Variants in ARHGEF28 observed in about 807,000 individuals in gnomAD.
ARHGEF28 encodes Rho guanine nucleotide exchange factor 28.
A neutral mutation model predicts 206.6 loss-of-function variants in ARHGEF28; 152 were observed. That is an observed-to-expected ratio of 0.74 (90% confidence interval 0.64 to 0.84). The LOEUF (loss-of-function observed/expected upper bound fraction) is 0.84. ARHGEF28 is among the 40% of genes least tolerant of loss of function. ARHGEF28 has a pLI of 0.00. For synonymous variants in ARHGEF28, 763 were observed against 776.4 expected (o/e 0.98, Z 0.29); for missense variants, 2,028 against 2,073.2 (o/e 0.98, Z 0.42).
At chr5:73,716,003 AT>A (rs1367873781) in intron 2 of ARHGEF28, among the ~76,000 whole-genome samples, 2 of 152,204 alleles carry the variant, frequency 1.3e-5, no homozygotes, top group African/African-American at 4.8e-5. Flanking sequence ...TATCAGTTTA[AT>A]TTGTTACAAA....
At chr5:73,666,259 G>T (rs1745948426) in intron 1 of ARHGEF28, among the ~76,000 whole-genome samples, 1 of 152,182 alleles carries the variant, frequency 6.6e-6, no homozygotes, top group African/African-American at 2.4e-5. Context: ...GGCACACTGG[G>T]GTGGGGGTTG....
At chr5:73,852,143 A>G (rs576758677) in intron 13 of ARHGEF28, among the ~76,000 whole-genome samples, 73 of 152,280 alleles carry the variant, frequency 4.8e-4, no homozygotes, top group African/African-American at 1.6e-3. Flanking sequence ...TCCCTTTCCC[A>G]TGAGCCACAG....
chr5:73,894,389 A>C lies in ARHGEF28; in HGVS notation c.3659-4A>C. ...AATCTTCTATGGTAAATACTATTTC[A>C]TAGAAATACTCACTAACCAAGACCA... On this transcript the variant is annotated splice_polypyrimidine_tract_variant and splice_region_variant and intron_variant, in intron 28 of 35. Coordinates refer to ENST00000513042, the MANE Select transcript of ARHGEF28 (RefSeq NM_001177693.2). The C allele has an allele frequency of 6.3e-7, 1 of 1,599,024 alleles. No individual in the cohort carries two copies. Among genetic ancestry groups the C allele is most frequent in the East Asian group, 2.2e-5 (1 of 44,682 alleles).
At chr5:73,820,973 C>G (rs1049909980) in intron 9 of ARHGEF28, among the ~76,000 whole-genome samples, 2 of 152,136 alleles carry the variant, frequency 1.3e-5, no homozygotes, top group African/African-American at 4.8e-5. Flanking sequence ...AACCCACCGA[C>G]CCTCAGAGTA....
At chr5:73,817,915 A>C (rs1756326771) in intron 9 of ARHGEF28, among the ~76,000 whole-genome samples, 1 of 152,134 alleles carries the variant, frequency 6.6e-6, no homozygotes, top group African/African-American at 2.4e-5. Context: ...TACTAGGAGG[A>C]GAAGTGACAG....
chr5:73,700,540 G>A (rs1455786506), intron 2 of ARHGEF28, among the ~76,000 whole-genome samples: 1 of 152,106 alleles, frequency 6.6e-6, no homozygotes, highest in Non-Finnish European at 1.5e-5. Context: ...TTATAGAGGA[G>A]GAATAAGTTC....
At position 73,910,757 on chromosome 5, in the gene ARHGEF28, A is replaced by C. The variant is rs185978199; in HGVS notation, c.4648-518A>C. Among the ~76,000 whole-genome samples the C allele has an allele frequency of 1.6e-3, 238 of 152,200 alleles. 3 individuals carry two copies. Among genetic ancestry groups the C allele is most frequent in the African/African-American group, 5.0e-3 (209 of 41,520 alleles). ...TCCATTTCACTAATAAGAGTTATTT[A>C]TTTGTGTCTTTTCTAATCATGCTTG... On this transcript the variant is annotated intron_variant, in intron 34 of 35. Transcript: ENST00000513042.
chr5:73,913,116 C>T (rs770849204), intron 35 of ARHGEF28, among the ~76,000 whole-genome samples: 1 of 152,142 alleles, frequency 6.6e-6, no homozygotes, highest in Non-Finnish European at 1.5e-5. Context: ...CCAGTCTATC[C>T]ACATGTAAGG....
chr5:73,941,120 A>C lies in ARHGEF28; in HGVS notation c.*107A>C. The C allele has an allele frequency of 3.6e-6, 4 of 1,126,106 alleles. No individual in the cohort carries two copies. The highest frequency in any genetic ancestry group is 4.6e-6 in the Non-Finnish European group (4 of 870,046). 69.8% of individuals were successfully genotyped at this position (1,126,106 alleles called of 1,614,324 possible). A position where few individuals can be genotyped will look rare whatever the true frequency, so the allele number is the denominator to read the frequency against. ...GATTGTCTGTGTCCAAATTGCTTTA[A>C]GAATAATATTTAATATTTCCTGGAA... On this transcript the variant is annotated 3_prime_UTR_variant, in exon 36 of 36. Coordinates refer to ENST00000513042, the MANE Select transcript of ARHGEF28 (RefSeq NM_001177693.2).
intron 2 of ARHGEF28, among the ~76,000 whole-genome samples, chr5:73,689,733 A>C (rs1158209603): frequency 6.6e-6 from 1 of 152,100 alleles, no homozygotes; most frequent in Non-Finnish European, 1.5e-5. Flanking sequence ...CTGAAGGAGC[A>C]GCACTGGAAG....
intron 1 of ARHGEF28, among the ~76,000 whole-genome samples, chr5:73,630,524 T>C (rs1388022161): frequency 6.6e-6 from 1 of 152,230 alleles, no homozygotes; most frequent in Non-Finnish European, 1.5e-5. Flanking sequence ...GTTGTAGTTA[T>C]AGCAAATGGA....
intron 1 of ARHGEF28, among the ~76,000 whole-genome samples, chr5:73,656,465 C>A (rs1745208369): frequency 6.6e-6 from 1 of 152,164 alleles, no homozygotes; most frequent in African/African-American, 2.4e-5. Flanking sequence ...GTCTCTCTTT[C>A]TTTCATATCC....
intron 2 of ARHGEF28, among the ~76,000 whole-genome samples, chr5:73,725,238 A>G (rs1317611234): frequency 6.6e-6 from 1 of 152,240 alleles, no homozygotes; most frequent in African/African-American, 2.4e-5. Flanking sequence ...ATCATAAACC[A>G]TGGCAGACTG....
At chr5:73,759,867 G>A (rs964578367) in intron 4 of ARHGEF28, among the ~76,000 whole-genome samples, 33 of 152,178 alleles carry the variant, frequency 2.2e-4, no homozygotes, top group Non-Finnish European at 4.1e-4. Flanking sequence ...ACAAGAGAAG[G>A]GAATATGTGG....
rs754933332 is a variant in ARHGEF28, at chr5:73,883,780, A to G, written c.2951A>G (p.Asn984Ser). Reference protein sequence around the residue: ...FQNFIKLRNSNLLARRRGIPE... With the variant: ...FQNFIKLRNSSLLARRRGIPE... ...ATATTTTTTAAGCTCCGAAATAGTA[A>G]TCTTTTGGCTCGACGCCGAGGAATT... Residue 984 changes from asparagine (N) to serine (S), a missense_variant, in exon 24 of 36, where the codon AAT becomes AGT. By Grantham distance (46) the Asn-to-Ser change is conservative. Around this residue, in one of 3 missense-constraint regions of ARHGEF28, gnomAD observed 223 missense variants for 289.9 expected, o/e 0.77. Coordinates refer to ENST00000513042, the MANE Select transcript of ARHGEF28 (RefSeq NM_001177693.2). 9 of 1,553,566 alleles carry G rather than the reference A, an allele frequency of 5.8e-6. No homozygotes were observed. The Admixed American group carries it at 1.4e-4, about 24-fold the overall frequency.
intron 1 of ARHGEF28, among the ~76,000 whole-genome samples, chr5:73,660,194 G>T (rs139113874): frequency 3.5e-4 from 54 of 152,192 alleles, no homozygotes; most frequent in African/African-American, 1.2e-3. Context: ...TTTCAACAAC[G>T]TTCACAGCAT....
chr5:73,916,552 G>C (rs1763223203), intron 35 of ARHGEF28, among the ~76,000 whole-genome samples: 2 of 152,100 alleles, frequency 1.3e-5, no homozygotes, highest in Non-Finnish European at 2.9e-5. Flanking sequence ...TCTTCACCTG[G>C]TCTTCCCCCT....
intron 30 of ARHGEF28, chr5:73,900,929 A>G (rs1762229080): frequency 2.8e-6 from 1 of 353,916 alleles, no homozygotes; most frequent in African/African-American, 2.1e-5. Flanking sequence ...CAGTGCAAGA[A>G]AGAAAAGTAC....
At chr5:73,719,050 CAA>C (rs1265219809) in intron 2 of ARHGEF28, among the ~76,000 whole-genome samples, 1 of 152,190 alleles carries the variant, frequency 6.6e-6, no homozygotes, top group Non-Finnish European at 1.5e-5. Flanking sequence ...TCTCTGGGGC[CAA>C]AACCCAGAAA....
Sources: allele counts gnomAD v4.1 joint callset (sites outside exome capture counted in the v4.1 genomes callset), GRCh38; gene constraint gnomAD v4.1.1; regional missense constraint gnomAD v4.1.1; transcripts MANE v1.5; gene names NCBI Gene and HGNC (gene_info 2026-07-23, HGNC 2026-07-21).